METTL15: variants seen among roughly 807,000 people sequenced by gnomAD.
METTL15 encodes the protein 12S rRNA N(4)-cytidine methyltransferase METTL15.
Under a neutral mutation model 38.3 loss-of-function variants are expected in METTL15, and 34 were observed. The ratio of observed to expected loss-of-function variants is 0.89; its 90% confidence interval spans 0.68 to 1.18. METTL15 has a LOEUF of 1.18. Among genes scored for constraint, METTL15 ranks in the 50% most tolerant of loss-of-function variants. The probability of loss-of-function intolerance (pLI) is 0.00; values close to 1 mark genes in which losing one functional copy is unlikely to be tolerated. For synonymous variants in METTL15, 162 were observed against 170.9 expected, an observed-to-expected ratio of 0.95 and a Z score of 0.41; for missense variants, 438 against 498.4, an observed-to-expected ratio of 0.88 and a Z score of 1.15.
In METTL15 at chr11:28,293,064, A is replaced by T. The variant is rs1189793612; in HGVS notation, c.599+2667A>T. Among the ~76,000 whole-genome samples, 52 of 152,118 alleles carry T rather than the reference A, an allele frequency of 3.4e-4. 1 individual carries two copies. In the South Asian group the frequency reaches 0.011, roughly 32 times the overall value. On this transcript the variant is annotated intron_variant, in intron 5 of 6. Coordinates refer to ENST00000407364, the MANE Select transcript of METTL15 (RefSeq NM_001113528.2). ...TGCAGAAGCTCTTTAGTTTAATTAG[A>T]TCCCATTTGTCAATTTTGGCTTTTG...
chr11:28,311,765 T>A lies in METTL15; in HGVS notation c.778+14834T>A, dbSNP rs1364624339. 3.9e-5 allele frequency among the ~76,000 whole-genome samples: 6 copies of A among 152,388 alleles called. No individual in the cohort carries two copies. The East Asian group carries it at 1.2e-3, about 29-fold the overall frequency. On this transcript the variant is annotated intron_variant, in intron 6 of 6. Coordinates refer to ENST00000407364, the MANE Select transcript of METTL15 (RefSeq NM_001113528.2). ...AACATATTTTAGATGTCTAGAGATA[T>A]GTTTATTTTTAACCTTTGTTGAATG... is the stretch of plus-strand genomic sequence containing the variant.
chr11:28,159,816 T>C (rs1045820807), intron 3 of METTL15, among the ~76,000 whole-genome samples: 16 of 152,200 alleles, frequency 1.1e-4, no homozygotes, highest in Non-Finnish European at 2.1e-4. Flanking sequence ...TATGACCTTA[T>C]TGTCTTTTTT....
At chr11:28,444,747 TA>T (rs1851061588) in intron 6 of METTL15, among the ~76,000 whole-genome samples, 1 of 152,206 alleles carries the variant, frequency 6.6e-6, no homozygotes, top group South Asian at 2.1e-4. Flanking sequence ...TCATAAATAA[TA>T]GTTTCTATCC....
chr11:28,465,903 G>C (rs1442606701), intron 6 of METTL15, among the ~76,000 whole-genome samples: 1 of 152,140 alleles, frequency 6.6e-6, no homozygotes, highest in Admixed American at 6.5e-5. Flanking sequence ...TTCTAAGAGG[G>C]CAAAATAGCC....
At chr11:28,207,448 A>T (rs1852400156) in intron 3 of METTL15, among the ~76,000 whole-genome samples, 1 of 152,180 alleles carries the variant, frequency 6.6e-6, no homozygotes, top group South Asian at 2.1e-4. Flanking sequence ...CTTGCATCCC[A>T]GGGATGAAGC....
intron 5 of METTL15, chr11:28,410,851 A>G (rs1850718603): frequency 1.3e-5 from 2 of 152,240 alleles, no homozygotes; most frequent in Admixed American, 6.5e-5. Flanking sequence ...TTCAGATAAT[A>G]TGATTCTATA....
chr11:28,217,271 G>A (rs1285965533), intron 4 of METTL15, among the ~76,000 whole-genome samples: 4 of 152,050 alleles, frequency 2.6e-5, no homozygotes, highest in Non-Finnish European at 5.9e-5. Flanking sequence ...GTGTGAGATG[G>A]TATCTCATTG....
At chr11:28,485,668 G>A (rs1161624599) in intron 6 of METTL15, among the ~76,000 whole-genome samples, 1 of 152,174 alleles carries the variant, frequency 6.6e-6, no homozygotes, top group Admixed American at 6.5e-5. Context: ...TATGTGATAT[G>A]CATTTCCTAT....
chr11:28,359,182 G>T (rs927522002), intron 4 of METTL15, among the ~76,000 whole-genome samples: 1 of 152,174 alleles, frequency 6.6e-6, no homozygotes, highest in South Asian at 2.1e-4. Flanking sequence ...AGAACATGTG[G>T]TGTTTGGTTT....
intron 3 of METTL15, among the ~76,000 whole-genome samples, chr11:28,349,655 G>A (rs1850025533): frequency 6.6e-6 from 1 of 152,050 alleles, no homozygotes; most frequent in Non-Finnish European, 1.5e-5. Flanking sequence ...ATTGCAGAAA[G>A]AATTAAATTA....
At chr11:28,153,847 G>T (rs984528573) in intron 3 of METTL15, among the ~76,000 whole-genome samples, 1 of 152,022 alleles carries the variant, frequency 6.6e-6, no homozygotes, top group Non-Finnish European at 1.5e-5. Context: ...GGATCTAATC[G>T]TTAGGCTCAT....
At chr11:28,397,453 G>T (rs1357410713) in intron 5 of METTL15, among the ~76,000 whole-genome samples, 1 of 152,182 alleles carries the variant, frequency 6.6e-6, no homozygotes, top group Non-Finnish European at 1.5e-5. Context: ...CTTCTCAAAA[G>T]AAGATATTTA....
Position 28,257,633 on chromosome 11 carries a change from C to T in METTL15, c.408-32573C>T, listed in dbSNP as rs770217568. Among the ~76,000 whole-genome samples, 5 of 152,154 alleles carry T rather than the reference C, an allele frequency of 3.3e-5. No individual in the cohort carries two copies. In the South Asian group the frequency reaches 8.3e-4, roughly 25 times the overall value. ...TTATCAAATAGCCTGTCTTCAAGCT[C>T]ACTAATTCTTTCTTCTGCTTGATCC... On this transcript the variant is annotated intron_variant, in intron 4 of 6. Transcript: ENST00000407364.
chr11:28,431,810 A>AAAAAAAAAAAAAAAAAAT (rs1850933877), intron 6 of METTL15, among the ~76,000 whole-genome samples: 1 of 6,752 alleles, frequency 1.5e-4, no homozygotes, highest in Non-Finnish European at 1.2e-3. Flanking sequence ...AAAAAAAAGA[A>AAAAAAAAAAAAAAAAAAT]AAAAAAAAAA....
At chr11:28,340,221 G>A (rs993852920) in intron 3 of METTL15, among the ~76,000 whole-genome samples, 1 of 151,732 alleles carries the variant, frequency 6.6e-6, no homozygotes, top group African/African-American at 2.4e-5. Flanking sequence ...TGGTGACAAG[G>A]CATTTTTGAC....
intron 4 of METTL15, among the ~76,000 whole-genome samples, chr11:28,231,354 G>A (rs1225677521): frequency 6.6e-6 from 1 of 151,714 alleles, no homozygotes; most frequent in African/African-American, 2.4e-5. Context: ...TCATTACATA[G>A]GACACATTAT....
chr11:28,290,804 GA>G (rs201546971), intron 5 of METTL15, among the ~76,000 whole-genome samples: 330 of 136,338 alleles, frequency 2.4e-3, no homozygotes, highest in African/African-American at 7.1e-3. Flanking sequence ...TTAGCATACA[GA>G]AAAAAAAAAA....
intron 6 of METTL15, among the ~76,000 whole-genome samples, chr11:28,521,312 C>A (rs926928330): frequency 1.3e-5 from 2 of 152,178 alleles, no homozygotes; most frequent in Admixed American, 1.3e-4. Context: ...TCCGAATGCC[C>A]GAAGGGATGG....
intron 5 of METTL15, among the ~76,000 whole-genome samples, chr11:28,374,470 T>G (rs1191195305): frequency 6.8e-6 from 1 of 146,262 alleles, no homozygotes; most frequent in Non-Finnish European, 1.5e-5. Flanking sequence ...TCTGTTTGTC[T>G]GTTGTTGGTG....
Sources: allele counts gnomAD v4.1 joint callset (sites outside exome capture counted in the v4.1 genomes callset), GRCh38; gene constraint gnomAD v4.1.1; transcripts MANE v1.5; gene names NCBI Gene and HGNC (gene_info 2026-07-23, HGNC 2026-07-21).